The following ANKRD30BL variants were observed in gnomAD, a reference collection of about 807,000 sequenced individuals.
The protein encoded by ANKRD30BL is ankyrin repeat domain 30B like.
In ANKRD30BL, 20 loss-of-function variants were observed where a neutral mutation model predicts 18.4. The ratio of observed to expected loss-of-function variants is 1.09; its 90% CI spans 0.77 to 1.58. ANKRD30BL has a LOEUF of 1.58. Ranked by LOEUF, ANKRD30BL falls within the 40% of genes most tolerant of loss-of-function variation. The pLI is 0.00. For synonymous variants in ANKRD30BL, 72 were observed against 100.9 expected, an observed-to-expected ratio of 0.71 and a Z score of 1.72; for missense variants, 224 against 268.6, an observed-to-expected ratio of 0.83 and a Z score of 1.16.
At position 132,157,819 on chromosome 2, in the gene ANKRD30BL, C is replaced by T. The variant is rs117038515; in HGVS notation, c.219-396G>A. ...GCAATGTATTTGGAAGAATTCCTAG[C>T]ACATGTAACAGCTCAGTAATTGATA... On this transcript the variant is annotated intron_variant, in intron 1 of 5. Coordinates refer to ENST00000409867, the MANE Select transcript of ANKRD30BL (RefSeq NM_001358416.1). 8.5e-4 allele frequency among the ~76,000 whole-genome samples: 129 copies of T among 152,256 alleles called. 1 individual carries two copies. In the East Asian group the frequency reaches 0.023, roughly 28 times the overall value.
At chr2:132,176,485 C>T (rs1054372669) in intron 1 of ANKRD30BL, among the ~76,000 whole-genome samples, 1 of 152,106 alleles carries the variant, frequency 6.6e-6, no homozygotes, top group Non-Finnish European at 1.5e-5. Context: ...GTGGCACATG[C>T]CTGCAATCCC....
intron 1 of ANKRD30BL, among the ~76,000 whole-genome samples, chr2:132,190,663 TG>T (rs1301223719): frequency 4.6e-5 from 7 of 152,178 alleles, no homozygotes; most frequent in Non-Finnish European, 1.0e-4. Context: ...GAGTTTAGCA[TG>T]GAGAAATAGC....
chr2:132,189,137 T>C (rs368099108), intron 1 of ANKRD30BL, among the ~76,000 whole-genome samples: 3 of 152,200 alleles, frequency 2.0e-5, no homozygotes, highest in Non-Finnish European at 4.4e-5. Flanking sequence ...CAGCAGTTGA[T>C]TCACAGTAGA....
chr2:132,168,266 CTT>C (rs1225339093), intron 1 of ANKRD30BL, among the ~76,000 whole-genome samples: 2 of 152,090 alleles, frequency 1.3e-5, no homozygotes, highest in African/African-American at 4.8e-5. Context: ...CTTTTGGTGA[CTT>C]ATCCATTTAT....
At chr2:132,197,810 C>T (rs1175614346) in intron 1 of ANKRD30BL, among the ~76,000 whole-genome samples, 1 of 151,810 alleles carries the variant, frequency 6.6e-6, no homozygotes, top group Non-Finnish European at 1.5e-5. Flanking sequence ...GATATTTTTA[C>T]TAAAATAACA....
At chr2:132,200,653 A>G (rs183444217) in intron 1 of ANKRD30BL, among the ~76,000 whole-genome samples, 1,689 of 152,296 alleles carry the variant, frequency 0.011, 29 homozygotes, top group African/African-American at 0.038. Flanking sequence ...GGGGATACAA[A>G]CAAATGGAAG....
chr2:132,257,855 C>G (rs1473742118), exon 1 of ANKRD30BL: 4 of 153,980 alleles, frequency 2.6e-5, no homozygotes, highest in Non-Finnish European at 5.8e-5. Context: ...CCGAAGGGCC[C>G]CCTAGTCCAC....
At chr2:132,172,611 A>T (rs755980614) in intron 1 of ANKRD30BL, among the ~76,000 whole-genome samples, 6 of 151,940 alleles carry the variant, frequency 3.9e-5, no homozygotes, top group African/African-American at 1.5e-4. Flanking sequence ...TCTTTATTCT[A>T]TTATACATAT....
chr2:132,230,226 T>A (rs879189264), intron 1 of ANKRD30BL, among the ~76,000 whole-genome samples: 2 of 152,012 alleles, frequency 1.3e-5, no homozygotes, highest in South Asian at 2.1e-4. Flanking sequence ...CATAGAGCAG[T>A]TTTGAAGCAG....
intron 1 of ANKRD30BL, among the ~76,000 whole-genome samples, chr2:132,187,169 TTTG>T (rs1440303189): frequency 2.8e-5 from 4 of 144,716 alleles, no homozygotes; most frequent in African/African-American, 1.1e-4. Flanking sequence ...TAGGAAGTTT[TTTG>T]TTTTTTTTTT....
In ANKRD30BL at chr2:132,168,715, G is replaced by A. The variant is rs891401252; in HGVS notation, n.442-11569C>T. ...ATTTTGCTAACAGGGTAGGTCTTAC[G>A]TATTTCCATACAAGCACACATAGAC... On this transcript the variant is annotated intron_variant and non_coding_transcript_variant, in intron 1 of 4. Transcript: ENST00000470729. 3.3e-3 allele frequency among the ~76,000 whole-genome samples: 505 copies of A among 152,110 alleles called. 5 individuals carry two copies. Among genetic ancestry groups the A allele is most frequent in the African/African-American group, 0.011 (466 of 41,492 alleles).
intron 1 of ANKRD30BL, among the ~76,000 whole-genome samples, chr2:132,230,297 G>A (rs1028267773): frequency 6.6e-6 from 1 of 151,652 alleles, no homozygotes; most frequent in African/African-American, 2.4e-5. Context: ...TTGGAAACGG[G>A]AATATCTTCA....
Position 132,156,965 on chromosome 2 carries a change from A to T in ANKRD30BL, c.507+8T>A, listed in dbSNP as rs1475803200. 1 of 977,334 alleles carries T rather than the reference A, an allele frequency of 1.0e-6. No homozygotes were observed. The highest frequency in any genetic ancestry group is 1.5e-6 in the Non-Finnish European group (1 of 681,890). The allele number at this position is 977,334 out of a possible 1,614,324, so 60.5% of individuals were successfully genotyped here. A position where few individuals can be genotyped will look rare whatever the true frequency, so the allele number is the denominator to read the frequency against. ...AATATTTTGAAAATAACATTGGTTA[A>T]TGTCTACCTTGTTCTTCACTTCGAT... On this transcript the variant is annotated splice_region_variant and intron_variant, in intron 3 of 5. Transcript: ENST00000409867.
chr2:132,161,097 C>T (rs1688044610), intron 1 of ANKRD30BL, among the ~76,000 whole-genome samples: 1 of 38,154 alleles, frequency 2.6e-5, no homozygotes, highest in South Asian at 1.4e-3. Flanking sequence ...TTTCATTATG[C>T]ACCATTTCAT....
intron 1 of ANKRD30BL, among the ~76,000 whole-genome samples, chr2:132,224,003 T>C (rs1162298808): frequency 6.6e-6 from 1 of 152,182 alleles, no homozygotes; most frequent in African/African-American, 2.4e-5. Context: ...AGAAACTTCT[T>C]TGTGATGTGT....
intron 1 of ANKRD30BL, among the ~76,000 whole-genome samples, chr2:132,227,586 C>A (rs146116024): frequency 2.5e-4 from 38 of 152,012 alleles, no homozygotes; most frequent in Non-Finnish European, 2.2e-4. Context: ...TCAGAAACTT[C>A]TTTTTGATGT....
chr2:132,240,351 G>A (rs1680281485), intron 1 of ANKRD30BL, among the ~76,000 whole-genome samples: 1 of 151,772 alleles, frequency 6.6e-6, no homozygotes, highest in African/African-American at 2.4e-5. Flanking sequence ...AGCATTCCCA[G>A]AAACTTCTTG....
At chr2:132,244,089 T>G (rs78806052) in intron 1 of ANKRD30BL, among the ~76,000 whole-genome samples, 1 of 152,282 alleles carries the variant, frequency 6.6e-6, no homozygotes, top group African/African-American at 2.4e-5. Flanking sequence ...ACCTAAAAAG[T>G]AGACAGAAGC....
chr2:132,148,193 G>C lies in ANKRD30BL; in HGVS notation c.715C>G (p.Pro239Ala), dbSNP rs1270421643. 2.7e-5 allele frequency: 44 copies of C among 1,605,620 alleles called. No homozygotes were observed. The highest frequency in any genetic ancestry group is 3.5e-5 in the Non-Finnish European group (41 of 1,176,784). ...GTGTCAGGTGTTCTTTCCGCCAAGG[G>C]TGCAGCCTCATCAGGTGTTCCTTCA... ...TSEGTPDEAA[P>A]LAERTPDTAE... The change falls in exon 6 of 6, where the codon CCC becomes GCC. Residue 239 changes from proline (P) to alanine (A), a missense_variant. Around this residue, in one of 3 missense-constraint regions of ANKRD30BL, gnomAD observed 63 missense variants for 62.3 expected, o/e 1.01. Coordinates refer to ENST00000409867, the MANE Select transcript of ANKRD30BL (RefSeq NM_001358416.1).
Sources: allele counts gnomAD v4.1 joint callset (sites outside exome capture counted in the v4.1 genomes callset), GRCh38; gene constraint gnomAD v4.1.1; regional missense constraint gnomAD v4.1.1; transcripts MANE v1.5; gene names NCBI Gene and HGNC (gene_info 2026-07-23, HGNC 2026-07-21).